The following TCF7L2 variants were observed in gnomAD, a reference collection of about 807,000 sequenced individuals.
TCF7L2 encodes the protein transcription factor 7-like 2.
TCF7L2 carries 23 observed loss-of-function variants against 77.9 expected under a neutral mutation model. The observed-to-expected ratio is 0.30, with a 90% CI of 0.21 to 0.42. The LOEUF is 0.42. Among genes scored for constraint, TCF7L2 ranks in the 10% least tolerant of loss-of-function variants. The probability of loss-of-function intolerance (pLI) is 1.00; values close to 1 mark genes in which losing one functional copy is unlikely to be tolerated. For synonymous variants in TCF7L2, 413 were observed against 340.2 expected (o/e 1.21, Z -2.36); for missense variants, 654 against 793.1 (o/e 0.82, Z 2.11).
In TCF7L2 at chr10:113,021,876, C is replaced by T. The variant is rs117267156; in HGVS notation, c.451-18149C>T. On this transcript the variant is annotated intron_variant, in intron 4 of 13. Coordinates refer to ENST00000627217, the MANE Select transcript of TCF7L2 (RefSeq NM_001146274.2). ...GTCTTTGGACTGAACCAGAGGCTGGCGATGGTCCCGAAACAGGGTGCCAAG... is the reference window on the plus strand; with the variant it reads ...GTCTTTGGACTGAACCAGAGGCTGGTGATGGTCCCGAAACAGGGTGCCAAG... 5.5e-4 allele frequency among the ~76,000 whole-genome samples: 83 copies of T among 152,292 alleles called. No individual in the cohort carries two copies. In the East Asian group the frequency reaches 7.3e-3, roughly 13 times the overall value.
chr10:112,991,300 C>CGG (rs1276221095), intron 4 of TCF7L2, among the ~76,000 whole-genome samples: 1 of 151,820 alleles, frequency 6.6e-6, no homozygotes, highest in Non-Finnish European at 1.5e-5. Flanking sequence ...GAGGCTGAGG[C>CGG]GGGCGGATCA....
chr10:113,135,108 G>A (rs1564942140), intron 5 of TCF7L2, among the ~76,000 whole-genome samples: 1 of 152,186 alleles, frequency 6.6e-6, no homozygotes, highest in Non-Finnish European at 1.5e-5. Flanking sequence ...GGGTGAGAGG[G>A]GGACTAAGCA....
intron 5 of TCF7L2, among the ~76,000 whole-genome samples, chr10:113,138,638 A>G (rs12257674): frequency 0.034 from 5,171 of 152,252 alleles, 295 homozygotes; most frequent in African/African-American, 0.12. Context: ...ACTGTAATAG[A>G]TAATAAATAA....
At chr10:113,051,586 T>C (rs144882011) in intron 5 of TCF7L2, among the ~76,000 whole-genome samples, 22 of 152,362 alleles carry the variant, frequency 1.4e-4, no homozygotes, top group Non-Finnish European at 3.2e-4. Flanking sequence ...ATGCTTTCTT[T>C]AAGAACAGGT....
At chr10:112,951,846 T>A (rs1489200998) in intron 3 of TCF7L2, 1 of 156,988 alleles carries the variant, frequency 6.4e-6, no homozygotes, top group Non-Finnish European at 1.4e-5. Flanking sequence ...TGCTGCCTCG[T>A]GATGTTGGGG....
chr10:112,989,401 G>A (rs963479115), intron 4 of TCF7L2, among the ~76,000 whole-genome samples: 1 of 150,590 alleles, frequency 6.6e-6, no homozygotes, highest in Admixed American at 6.6e-5. Flanking sequence ...ACTTTATAAA[G>A]TTACATGCTG....
chr10:113,060,131 A>G (rs1010974802), intron 5 of TCF7L2, among the ~76,000 whole-genome samples: 2 of 152,240 alleles, frequency 1.3e-5, no homozygotes, highest in Non-Finnish European at 2.9e-5. Flanking sequence ...AGATAGAACA[A>G]AAATCAAGTG....
At chr10:113,129,562 A>G (rs188673533) in intron 5 of TCF7L2, 133 of 1,006,202 alleles carry the variant, frequency 1.3e-4, no homozygotes, top group Non-Finnish European at 1.4e-5. Flanking sequence ...TTTGTTTTTT[A>G]TTTTTAAGAT....
In TCF7L2 at chr10:112,974,662, C is replaced by T. The variant is rs186602793; in HGVS notation, c.450+10038C>T. 2.6e-5 allele frequency among the ~76,000 whole-genome samples: 4 copies of T among 152,266 alleles called. No individual in the cohort carries two copies. In the East Asian group the frequency reaches 7.7e-4, roughly 29 times the overall value. Reference sequence around the variant, plus strand: ...GTTTCACCATCTTGACCAGGCTGGTCTTGAACTCCTGACCTCATGATCCAC... The same window carrying T: ...GTTTCACCATCTTGACCAGGCTGGTTTTGAACTCCTGACCTCATGATCCAC... On this transcript the variant is annotated intron_variant, in intron 4 of 13. Transcript: ENST00000627217.
chr10:113,135,336 T>C (rs774656812), intron 5 of TCF7L2, among the ~76,000 whole-genome samples: 41 of 152,150 alleles, frequency 2.7e-4, no homozygotes, highest in Non-Finnish European at 2.6e-4. Context: ...ATGAATACTT[T>C]GGGTGGAAGG....
At chr10:112,952,810 G>A (rs924586723) in intron 3 of TCF7L2, among the ~76,000 whole-genome samples, 1 of 151,902 alleles carries the variant, frequency 6.6e-6, no homozygotes, top group African/African-American at 2.4e-5. Context: ...TTGTTAATAC[G>A]GCTCATCCCC....
chr10:113,056,126 T>C (rs982677286), intron 5 of TCF7L2, among the ~76,000 whole-genome samples: 2 of 152,248 alleles, frequency 1.3e-5, no homozygotes, highest in Non-Finnish European at 2.9e-5. Context: ...AGAAGCTTTC[T>C]ATATTTTATC....
intron 5 of TCF7L2, among the ~76,000 whole-genome samples, chr10:113,067,874 G>T (rs2057454215): frequency 3.7e-5 from 1 of 26,946 alleles, no homozygotes; most frequent in Non-Finnish European, 8.2e-5. Flanking sequence ...TGTATTTTTG[G>T]TGGGAGGGGG....
chr10:113,090,800 G>T (rs143820655), intron 5 of TCF7L2, among the ~76,000 whole-genome samples: 1 of 152,120 alleles, frequency 6.6e-6, no homozygotes, highest in African/African-American at 2.4e-5. Context: ...AGTAAAGACA[G>T]GGTTTCACCC....
At chr10:113,091,273 C>T (rs868032711) in intron 5 of TCF7L2, among the ~76,000 whole-genome samples, 15 of 152,162 alleles carry the variant, frequency 9.9e-5, no homozygotes, top group African/African-American at 3.1e-4. Context: ...AAAAGCGTTT[C>T]GCAAAATTGG....
At chr10:113,094,586 C>T (rs1006411394) in intron 5 of TCF7L2, among the ~76,000 whole-genome samples, 5 of 152,176 alleles carry the variant, frequency 3.3e-5, no homozygotes, top group Non-Finnish European at 7.3e-5. Flanking sequence ...CAAAGAAATA[C>T]CCCTCCAAGA....
chr10:113,028,241 T>C (rs2049556792), intron 4 of TCF7L2, among the ~76,000 whole-genome samples: 1 of 152,118 alleles, frequency 6.6e-6, no homozygotes, highest in Non-Finnish European at 1.5e-5. Context: ...AATCCTGGGT[T>C]AGGAGTAATT....
intron 5 of TCF7L2, chr10:113,127,023 C>A (rs2065759930): frequency 1.3e-6 from 1 of 782,490 alleles, no homozygotes; most frequent in Admixed American, 6.2e-5. Flanking sequence ...TGTCACTTTG[C>A]GGTAACTTTC....
At chr10:113,015,375 C>T (rs2133733279) in intron 4 of TCF7L2, among the ~76,000 whole-genome samples, 1 of 151,538 alleles carries the variant, frequency 6.6e-6, no homozygotes, top group Non-Finnish European at 1.5e-5. Flanking sequence ...AATGGAGGCG[C>T]ATGAGGCCCT....
Sources: allele counts gnomAD v4.1 joint callset (sites outside exome capture counted in the v4.1 genomes callset), GRCh38; gene constraint gnomAD v4.1.1; transcripts MANE v1.5; gene names NCBI Gene and HGNC (gene_info 2026-07-23, HGNC 2026-07-21).